Variants in DCAF4 observed in about 807,000 individuals in gnomAD.
DCAF4 encodes the protein DDB1 and CUL4 associated factor 4, also known as DDB1- and CUL4-associated factor 4.
In DCAF4, 37 loss-of-function variants were observed where a neutral mutation model predicts 60.9. That is an observed-to-expected ratio of 0.61 (90% CI 0.47 to 0.80). DCAF4 has a LOEUF of 0.80. Among genes scored for constraint, DCAF4 ranks in the 30% least tolerant of loss-of-function variants. The pLI is 0.00. For missense variants in DCAF4, 577 were observed against 650.0 expected (o/e 0.89, Z 1.22); for synonymous variants, 243 against 254.8 (o/e 0.95, Z 0.44).
At position 72,959,685 on chromosome 14, in the gene DCAF4, A is replaced by G; in HGVS notation, c.*880A>G. Reference sequence around the variant, plus strand: ...TGCACTTCTGTGAATGACTTAGGAGATCATGAGCTTGGGCTGCTGGGACCA... The same window carrying G: ...TGCACTTCTGTGAATGACTTAGGAGGTCATGAGCTTGGGCTGCTGGGACCA... On this transcript the variant is annotated 3_prime_UTR_variant, in exon 14 of 14. Coordinates refer to ENST00000358377, the MANE Select transcript of DCAF4 (RefSeq NM_015604.4). The G allele has an allele frequency of 2.0e-6, 2 of 984,560 alleles. No individual in the cohort carries two copies. Among genetic ancestry groups the G allele is most frequent in the Non-Finnish European group, 2.4e-6 (2 of 829,200 alleles). 61.0% of individuals were successfully genotyped at this position (984,560 alleles called of 1,614,324 possible).
At position 72,958,770 on chromosome 14, in the gene DCAF4, G is replaced by T. The variant is rs76310328; in HGVS notation, c.1453G>T (p.Val485Phe). 1 of 1,598,558 alleles carries T rather than the reference G, an allele frequency of 6.3e-7. No homozygotes were observed. The highest frequency in any genetic ancestry group is 8.5e-7 in the Non-Finnish European group (1 of 1,172,752). The change falls in exon 14 of 14, where the codon GTC (valine) becomes TTC (phenylalanine). Residue 485 changes from valine to phenylalanine, a missense_variant. Val to Phe is a conservative substitution (Grantham distance 50, BLOSUM62 -1). Transcript: ENST00000358377. ...SRGAPGLLMA[V>F]GQDLYCYSYS ...GGGCGCGCCGGGGCTGCTCATGGCT[G>T]TCGGGCAGGACCTTTACTGTTACTC...
In DCAF4 at chr14:72,959,335, G is replaced by T. The variant is rs1892683356; in HGVS notation, c.*530G>T. On this transcript the variant is annotated 3_prime_UTR_variant, in exon 14 of 14. Coordinates refer to ENST00000358377, the MANE Select transcript of DCAF4 (RefSeq NM_015604.4). The stretch of plus-strand genomic sequence containing the variant: ...CTGGAGTTTGGAATCCTTAAACTTG[G>T]CCTTCTCAAACTCAGCAGCAGATCT... The T allele has an allele frequency of 1.0e-6, 1 of 985,574 alleles. No individual in the cohort carries two copies. Among genetic ancestry groups the T allele is most frequent in the African/African-American group, 1.7e-5 (1 of 57,348 alleles). The allele number at this position is 985,574 out of a possible 1,614,324, so 61.1% of individuals were successfully genotyped here. A position where few individuals can be genotyped will look rare whatever the true frequency, so the allele number is the denominator to read the frequency against.
Position 72,955,520 on chromosome 14 carries a change from C to T in DCAF4, c.1006-3C>T. 1 of 1,613,054 alleles carries T rather than the reference C, an allele frequency of 6.2e-7. No homozygotes were observed. The highest frequency in any genetic ancestry group is 8.5e-7 in the Non-Finnish European group (1 of 1,179,340). ...AGGCACTGAGCAGTCCCTCTTTCCA[C>T]AGGCTCCTCTGCTGTTTAATGGCTG... On this transcript the variant is annotated splice_region_variant and splice_polypyrimidine_tract_variant and intron_variant, in intron 11 of 13. Coordinates refer to ENST00000358377, the MANE Select transcript of DCAF4 (RefSeq NM_015604.4).
At chr14:72,951,271 C>T (rs1361607446) in intron 8 of DCAF4, among the ~76,000 whole-genome samples, 2 of 152,122 alleles carry the variant, frequency 1.3e-5, no homozygotes, top group Admixed American at 6.5e-5. Flanking sequence ...GCAGGAGCCA[C>T]CACACCCAGC....
rs1891995420 is a variant in DCAF4 at position 72,954,429 on chromosome 14, C to CA, written c.951_952insA (p.Arg318ThrfsTer9). 1 of 1,614,102 alleles carries CA rather than the reference C, an allele frequency of 6.2e-7. No individual in the cohort carries two copies. Among genetic ancestry groups the CA allele is most frequent in the African/African-American group, 1.3e-5 (1 of 74,936 alleles). On this transcript the variant is annotated frameshift_variant, in exon 11 of 14. Coordinates refer to ENST00000358377, the MANE Select transcript of DCAF4 (RefSeq NM_015604.4). LOFTEE classifies it high-confidence loss of function. ...TGTTGACCAACGTGGTGACGGGACACCGGCAGTCCTTTGGGACCAACAGTG... is the reference window on the plus strand; with the variant it reads ...TGTTGACCAACGTGGTGACGGGACACACGGCAGTCCTTTGGGACCAACAGTG...
chr14:72,929,456 C>G (rs1190689485), intron 1 of DCAF4, among the ~76,000 whole-genome samples: 1 of 152,370 alleles, frequency 6.6e-6, no homozygotes, highest in South Asian at 2.1e-4. Context: ...CATCCCAACG[C>G]TGCGCCAAGG....
intron 1 of DCAF4, among the ~76,000 whole-genome samples, chr14:72,928,534 T>G (rs1473567496): frequency 6.6e-6 from 1 of 151,614 alleles, no homozygotes; most frequent in East Asian, 1.9e-4. Flanking sequence ...TTGTTGGATA[T>G]CTAGGATGTT....
At chr14:72,960,655 A>C, downstream of DCAF4, 1 of 1,064,740 alleles carries the variant, frequency 9.4e-7, no homozygotes, top group Admixed American at 4.0e-5. Context: ...CCACATCTTC[A>C]GGAAAGGACA....
In DCAF4 at chr14:72,955,435, A is replaced by G. The variant is rs1353634232; in HGVS notation, c.1006-88A>G. ...TCACACCGTCTGACCCAGAGGCTGGAAGAGGGGTTGTATCAGGAGGACCTG... is the reference window on the plus strand; with the variant it reads ...TCACACCGTCTGACCCAGAGGCTGGGAGAGGGGTTGTATCAGGAGGACCTG... On this transcript the variant is annotated intron_variant, in intron 11 of 13. Coordinates refer to ENST00000358377, the MANE Select transcript of DCAF4 (RefSeq NM_015604.4). The G allele has an allele frequency of 3.4e-6, 5 of 1,478,682 alleles. No homozygotes were observed. In the East Asian group the frequency reaches 1.1e-4, roughly 34 times the overall value. The allele number at this position is 1,478,682 out of a possible 1,614,324, so 91.6% of individuals were successfully genotyped here.
chr14:72,939,671 T>A, intron 2 of DCAF4, 131 bp from the exon 3 acceptor site: 1 of 667,872 alleles, frequency 1.5e-6, no homozygotes, highest in Non-Finnish European at 2.5e-6. Flanking sequence ...GATCAGTGCT[T>A]CTCAAGTAAT....
intron 1 of DCAF4, among the ~76,000 whole-genome samples, chr14:72,935,766 T>C (rs61365507): frequency 0.19 from 29,138 of 152,148 alleles, 3,610 homozygotes; most frequent in East Asian, 0.43. Context: ...CAGTCCTGCC[T>C]CCTGTGGGTG....
At chr14:72,953,780 ATTTGTGTGTGTG>A (rs1218111358) in intron 9 of DCAF4, among the ~76,000 whole-genome samples, 2 of 13,362 alleles carry the variant, frequency 1.5e-4, no homozygotes, top group African/African-American at 4.0e-4. Context: ...TTATTTATTT[ATTTGTGTGTGTG>A]TGTGTGTGTG....
chr14:72,949,449 C>T (rs1891138339), intron 8 of DCAF4, among the ~76,000 whole-genome samples: 1 of 152,230 alleles, frequency 6.6e-6, no homozygotes, highest in Admixed American at 6.5e-5. Flanking sequence ...GAGAGAGACC[C>T]TGTCTCTTAA....
chr14:72,945,732 G>A, intron 6 of DCAF4, 152 bp from the exon 7 acceptor site: 1 of 1,008,268 alleles, frequency 9.9e-7, no homozygotes, highest in Admixed American at 2.2e-5. Flanking sequence ...GTTGGGGAAA[G>A]TGAGGTCATC....
intron 9 of DCAF4, 62 bp downstream of exon 9, chr14:72,951,939 G>A: frequency 1.9e-6 from 3 of 1,581,798 alleles, no homozygotes; most frequent in Non-Finnish European, 2.6e-6. Context: ...GTGTGGGGGT[G>A]GCTTAGAGAG....
At position 72,959,434 on chromosome 14, in the gene DCAF4, C is replaced by T. The variant is rs1316771949; in HGVS notation, c.*629C>T. On this transcript the variant is annotated 3_prime_UTR_variant, in exon 14 of 14. Transcript: ENST00000358377. ...CTTCTTACATGCTAGAAGTTTTAAA[C>T]GGTCCTTAACATGCCTTTGTTCAAG... 2.1e-5 allele frequency: 21 copies of T among 985,342 alleles called. No individual in the cohort carries two copies. In the South Asian group the frequency reaches 2.3e-4, roughly 11 times the overall value. The allele number at this position is 985,342 out of a possible 1,614,324, so 61.0% of individuals were successfully genotyped here. A position where few individuals can be genotyped will look rare whatever the true frequency, so the allele number is the denominator to read the frequency against.
chr14:72,937,889 A>G (rs1594748710), intron 1 of DCAF4, 82 bp from the exon 2 acceptor site: 1 of 1,466,628 alleles, frequency 6.8e-7, no homozygotes. Flanking sequence ...GGTGCTGAGC[A>G]TGAAGCAGCT....
intron 9 of DCAF4, among the ~76,000 whole-genome samples, chr14:72,952,402 A>T (rs1349646301): frequency 2.6e-5 from 4 of 152,182 alleles, no homozygotes; most frequent in Non-Finnish European, 5.9e-5. Flanking sequence ...GAACCTCTCT[A>T]AAGTGGACAG....
At chr14:72,930,987 T>C (rs1409380443) in intron 1 of DCAF4, among the ~76,000 whole-genome samples, 1 of 152,226 alleles carries the variant, frequency 6.6e-6, no homozygotes, top group Non-Finnish European at 1.5e-5. Flanking sequence ...CATATGCCAG[T>C]AACACAGTGT....
Sources: gnomAD v4.1 joint callset for allele counts (sites outside exome capture counted in the v4.1 genomes callset) on GRCh38, gnomAD v4.1.1 for gene constraint, MANE v1.5 for transcripts, NCBI Gene and HGNC (gene_info 2026-07-23, HGNC 2026-07-21) for gene names.